MED12L: variants seen among roughly 807,000 people sequenced by gnomAD.
The protein encoded by MED12L is mediator complex subunit 12L, also known as mediator of RNA polymerase II transcription subunit 12-like protein.
A neutral mutation model predicts 281.3 loss-of-function variants in MED12L; 60 were observed. The ratio of observed to expected loss-of-function variants is 0.21; its 90% CI spans 0.17 to 0.26. The LOEUF (loss-of-function observed/expected upper bound fraction) is 0.26. Among genes scored for constraint, MED12L ranks in the 10% least tolerant of loss-of-function variants. The probability of loss-of-function intolerance (pLI) is 1.00; values close to 1 mark genes in which losing one functional copy is unlikely to be tolerated. For missense variants in MED12L, 2,146 were observed against 2,680.9 expected (o/e 0.80, Z 4.41); for synonymous variants, 974 against 987.2 (o/e 0.99, Z 0.25).
At chr3:151,373,733 A>G (rs117450032) in intron 27 of MED12L, among the ~76,000 whole-genome samples, 2,302 of 152,254 alleles carry the variant, frequency 0.015, 154 homozygotes, top group East Asian at 0.13. Context: ...GTAGGAATCT[A>G]TTCATCCTAT....
At chr3:151,432,578 C>T (rs2108497334) in intron 44 of MED12L, 174 bp from the exon 45 acceptor site, 1 of 536,328 alleles carries the variant, frequency 1.9e-6, no homozygotes, top group Non-Finnish European at 3.4e-6. Context: ...GTCCCCTCTG[C>T]AGGGTGGTAC....
chr3:151,207,109 A>G (rs900548865), intron 16 of MED12L, among the ~76,000 whole-genome samples: 8 of 143,954 alleles, frequency 5.6e-5, no homozygotes, highest in Non-Finnish European at 1.2e-4. Context: ...TGCAGTGGTT[A>G]TTCAGAGGTC....
chr3:151,357,315 C>T lies in MED12L; in HGVS notation c.2764C>T (p.Leu922Phe), dbSNP rs142343183. 8.6e-5 allele frequency: 138 copies of T among 1,613,874 alleles called. No homozygotes were observed. In the African/African-American group the frequency reaches 1.6e-3, roughly 19 times the overall value. The part of the protein sequence containing the change: ...TGLCVCIVAV[L>F]RRYHSCLILN... ...ACTGTGTGTCTGCATCGTGGCTGTT[C>T]TCAGGCGCTATCACAGTTGTCTAAT... Residue 922 changes from leucine to phenylalanine, a missense_variant, in exon 20 of 45, where the codon CTC (leucine) becomes TTC (phenylalanine). Physicochemically the swap from Leu to Phe is conservative, Grantham distance 22. Coordinates refer to ENST00000687756, the MANE Select transcript of MED12L (RefSeq NM_001393769.1).
At position 151,153,669 on chromosome 3, in the gene MED12L, A is replaced by G. The variant is rs182400491; in HGVS notation, c.557-2492A>G. On this transcript the variant is annotated intron_variant, in intron 5 of 44. Coordinates refer to ENST00000687756, the MANE Select transcript of MED12L (RefSeq NM_001393769.1). Reference sequence around the variant, plus strand: ...CTGCAACCTCTGCCTCCCAGCTTCAAGTGATTCTCCTGCCTCAGCCTCCTG... The same window carrying G: ...CTGCAACCTCTGCCTCCCAGCTTCAGGTGATTCTCCTGCCTCAGCCTCCTG... Among the ~76,000 whole-genome samples the G allele has an allele frequency of 7.9e-4, 118 of 148,668 alleles. 1 individual carries two copies. Among genetic ancestry groups the G allele is most frequent in the Non-Finnish European group, 1.3e-3 (91 of 67,532 alleles).
chr3:151,116,311 G>T (rs1195079883), intron 2 of MED12L, 27 bp from the exon 3 acceptor site: 2 of 1,524,892 alleles, frequency 1.3e-6, no homozygotes, highest in Non-Finnish European at 9.1e-7. Context: ...ACATCCTTCT[G>T]CTTAATCAAT....
intron 16 of MED12L, among the ~76,000 whole-genome samples, chr3:151,250,094 C>T (rs1736545961): frequency 6.6e-6 from 1 of 152,150 alleles, no homozygotes; most frequent in Admixed American, 6.6e-5. Context: ...CTTATCCAAA[C>T]TTGTTGGAAA....
At chr3:151,214,098 A>G (rs1409501297) in intron 16 of MED12L, 1 of 1,614,138 alleles carries the variant, frequency 6.2e-7, no homozygotes, top group Non-Finnish European at 8.5e-7. Context: ...TGAAAGGAAA[A>G]GTCAGGCTCA....
chr3:151,294,970 CA>C (rs757286070), intron 16 of MED12L: 13 of 1,613,888 alleles, frequency 8.1e-6, no homozygotes, highest in Non-Finnish European at 1.0e-5. Context: ...ATGGAAATGT[CA>C]GCGTCATTAT....
intron 16 of MED12L, among the ~76,000 whole-genome samples, chr3:151,348,746 C>T (rs1487817123): frequency 3.3e-5 from 5 of 151,984 alleles, no homozygotes; most frequent in African/African-American, 9.7e-5. Context: ...AAAGACAGAC[C>T]GACACAAAGA....
At chr3:151,224,020 C>T (rs1729960593) in intron 16 of MED12L, among the ~76,000 whole-genome samples, 2 of 152,082 alleles carry the variant, frequency 1.3e-5, no homozygotes, top group South Asian at 4.1e-4. Flanking sequence ...TCAAATATGC[C>T]TAATATTACT....
chr3:151,407,760 G>T (rs553359515), intron 39 of MED12L, among the ~76,000 whole-genome samples: 2 of 152,308 alleles, frequency 1.3e-5, no homozygotes, highest in South Asian at 4.1e-4. Flanking sequence ...TAAGATTCTT[G>T]TATGTATAAA....
intron 16 of MED12L, chr3:151,214,253 G>T (rs1727742801): frequency 1.2e-6 from 2 of 1,613,830 alleles, no homozygotes; most frequent in South Asian, 1.1e-5. Flanking sequence ...ATGATCTGCT[G>T]AGTGATCAGG....
Position 151,369,566 on chromosome 3 carries a change from C to T in MED12L, c.3664+17C>T, listed in dbSNP as rs778239571. On this transcript the variant is annotated intron_variant, in intron 26 of 44. Coordinates refer to ENST00000687756, the MANE Select transcript of MED12L (RefSeq NM_001393769.1). ...TGATGCTTGGTAAGATTATTCTGAC[C>T]CTAAGCTTCTTGGTTAATCACCAGA... 6.6e-7 allele frequency: 1 copy of T among 1,507,678 alleles called. No homozygotes were observed. The highest frequency in any genetic ancestry group is 1.2e-5 in the South Asian group (1 of 83,296). 93.4% of individuals were successfully genotyped at this position (1,507,678 alleles called of 1,614,324 possible). A position where few individuals can be genotyped will look rare whatever the true frequency, so the allele number is the denominator to read the frequency against.
chr3:151,326,099 A>G (rs1749557302), intron 16 of MED12L, among the ~76,000 whole-genome samples: 1 of 152,160 alleles, frequency 6.6e-6, no homozygotes, highest in Non-Finnish European at 1.5e-5. Flanking sequence ...AAAACTTTGG[A>G]TTTGGCTATT....
chr3:151,380,008 C>A, intron 31 of MED12L, 105 bp from the exon 32 acceptor site: 2 of 679,968 alleles, frequency 2.9e-6, no homozygotes, highest in Non-Finnish European at 4.9e-6. Context: ...GGCTATTTAC[C>A]ACCTCTCTTA....
chr3:151,176,492 A>G (rs1722066196), intron 11 of MED12L, among the ~76,000 whole-genome samples: 1 of 152,192 alleles, frequency 6.6e-6, no homozygotes, highest in South Asian at 2.1e-4. Context: ...AAATTGCTCT[A>G]TGCATAATAT....
chr3:151,346,367 G>A (rs772508296), intron 16 of MED12L, among the ~76,000 whole-genome samples: 1 of 152,020 alleles, frequency 6.6e-6, no homozygotes, highest in Non-Finnish European at 1.5e-5. Context: ...TCTTCATAAC[G>A]CTCTTTCCTC....
chr3:151,265,293 T>G (rs1170022096), intron 16 of MED12L, among the ~76,000 whole-genome samples: 1 of 152,198 alleles, frequency 6.6e-6, no homozygotes, highest in African/African-American at 2.4e-5. Context: ...AGTAGATCTT[T>G]TGGCTTTTAA....
chr3:151,158,745 G>C lies in MED12L; in HGVS notation c.783G>C (p.Lys261Asn), dbSNP rs772276982. 6.2e-7 allele frequency: 1 copy of C among 1,613,302 alleles called. No homozygotes were observed. Among genetic ancestry groups the C allele is most frequent in the Non-Finnish European group, 8.5e-7 (1 of 1,179,618 alleles). The change falls in exon 7 of 45, where the codon AAG (lysine) becomes AAC (asparagine). Residue 261 changes from lysine (K) to asparagine (N), a missense_variant. Coordinates refer to ENST00000687756, the MANE Select transcript of MED12L (RefSeq NM_001393769.1). Reference protein sequence around the residue: ...YLTWILDVLEKIRPMDDDLLK... With the variant: ...YLTWILDVLENIRPMDDDLLK... ...CATGGATCCTGGATGTTTTAGAAAA[G>C]ATCAGACCAATGGATGATGATCTTC... is the stretch of plus-strand genomic sequence containing the variant.
Sources: gnomAD v4.1 joint callset for allele counts (sites outside exome capture counted in the v4.1 genomes callset) on GRCh38, gnomAD v4.1.1 for gene constraint, MANE v1.5 for transcripts, NCBI Gene and HGNC (gene_info 2026-07-23, HGNC 2026-07-21) for gene names.